Variants in PCDHGA3 observed in about 807,000 individuals in gnomAD.
The protein encoded by PCDHGA3 is protocadherin gamma subfamily A, 3.
In PCDHGA3, 40 loss-of-function variants were observed where a neutral mutation model predicts 58.5. That is an observed-to-expected ratio of 0.68 (90% CI 0.53 to 0.89). The LOEUF is 0.89. PCDHGA3 is among the 40% of genes least tolerant of loss of function. The probability of loss-of-function intolerance (pLI) is 0.00; values close to 1 mark genes in which losing one functional copy is unlikely to be tolerated. For synonymous variants in PCDHGA3, 530 were observed against 525.7 expected (o/e 1.01, Z -0.11); for missense variants, 1,223 against 1,195.9 (o/e 1.02, Z -0.33).
At chr5:141,413,117 C>T (rs902301902) in intron 1 of PCDHGA3, 42 of 1,509,002 alleles carry the variant, frequency 2.8e-5, no homozygotes, top group Non-Finnish European at 3.6e-5. Flanking sequence ...ACAAAGGAAC[C>T]GGTTGAAACA....
In PCDHGA3 at chr5:141,389,513, C is replaced by A. The variant is rs749432491; in HGVS notation, c.2424+43056C>A. 2.5e-6 allele frequency: 4 copies of A among 1,613,038 alleles called. No homozygotes were observed. The Admixed American group carries it at 5.0e-5, about 20-fold the overall frequency. On this transcript the variant is annotated intron_variant, in intron 1 of 3. Coordinates refer to ENST00000253812, the MANE Select transcript of PCDHGA3 (RefSeq NM_018916.4). ...AGGGCTCGCCAGCGCTCAGCGCGAACGTGAGCCTGCGCGTGTTAGTGGACG... is the reference window on the plus strand; with the variant it reads ...AGGGCTCGCCAGCGCTCAGCGCGAAAGTGAGCCTGCGCGTGTTAGTGGACG...
At chr5:141,381,990 C>T (rs1182122495) in intron 1 of PCDHGA3, among the ~76,000 whole-genome samples, 1 of 151,686 alleles carries the variant, frequency 6.6e-6, no homozygotes, top group Middle Eastern at 3.4e-3. Flanking sequence ...CCACCACGCC[C>T]GGATAATTTT....
At chr5:141,452,472 A>C (rs995927368) in intron 1 of PCDHGA3, among the ~76,000 whole-genome samples, 6 of 152,170 alleles carry the variant, frequency 3.9e-5, no homozygotes, top group Non-Finnish European at 8.8e-5. Flanking sequence ...AGCTAGGAAA[A>C]ACACACATAA....
intron 2 of PCDHGA3, among the ~76,000 whole-genome samples, chr5:141,503,596 C>T (rs1267014587): frequency 7.7e-6 from 1 of 129,694 alleles, no homozygotes; most frequent in African/African-American, 3.3e-5. Context: ...GAGACTCCAG[C>T]TCAAAAAAAA....
At chr5:141,433,004 T>G (rs368646186) in intron 1 of PCDHGA3, 48 of 1,614,028 alleles carry the variant, frequency 3.0e-5, no homozygotes, top group Non-Finnish European at 3.4e-5. Context: ...GGTGCAGGCT[T>G]TCCTGCAGAC....
intron 1 of PCDHGA3, chr5:141,404,341 A>C (rs2094516146): frequency 3.1e-6 from 5 of 1,613,966 alleles, no homozygotes; most frequent in Non-Finnish European, 4.2e-6. Context: ...ACCTCCCGGA[A>C]AACAACGCCA....
intron 1 of PCDHGA3, among the ~76,000 whole-genome samples, chr5:141,436,162 G>A (rs1036923915): frequency 2.6e-5 from 4 of 152,142 alleles, no homozygotes; most frequent in African/African-American, 7.2e-5. Flanking sequence ...TTTATCATAT[G>A]GACAGTTCTC....
Position 141,432,292 on chromosome 5 carries a change from T to C in PCDHGA3, c.2425-62515T>C, listed in dbSNP as rs1339412798. 2 of 1,614,078 alleles carry C rather than the reference T, an allele frequency of 1.2e-6. No individual in the cohort carries two copies. The highest frequency in any genetic ancestry group is 2.2e-5 in the East Asian group (1 of 44,888). On this transcript the variant is annotated intron_variant, in intron 1 of 3. Coordinates refer to ENST00000253812, the MANE Select transcript of PCDHGA3 (RefSeq NM_018916.4). The surrounding 1 kb of genome is among the most constrained non-coding windows in gnomAD (Gnocchi z 6.0). ...CCTACGTGTCCATCAACTCCGACAC[T>C]GGGGTACTGTATGCGCTGAGCTCCT...
chr5:141,505,362 G>A (rs766427680), intron 2 of PCDHGA3, 31 bp from the exon 3 acceptor site: 1 of 1,613,966 alleles, frequency 6.2e-7, no homozygotes, highest in Non-Finnish European at 8.5e-7. Flanking sequence ...CGGCCTGGGA[G>A]TCTGTGCTCA....
At chr5:141,361,137 A>G (rs1215399684) in intron 1 of PCDHGA3, 2 of 1,613,630 alleles carry the variant, frequency 1.2e-6, no homozygotes, top group South Asian at 2.2e-5. Flanking sequence ...GCAGTATCCA[A>G]GTTGAAATTC....
chr5:141,383,466 T>G (rs1469908164), intron 1 of PCDHGA3: 1 of 1,613,798 alleles, frequency 6.2e-7, no homozygotes, highest in South Asian at 1.1e-5. Context: ...ACGATGAAAC[T>G]AAGTACCCGG....
intron 1 of PCDHGA3, chr5:141,405,646 T>G: frequency 1.9e-6 from 1 of 526,208 alleles, no homozygotes; most frequent in East Asian, 3.2e-5. Flanking sequence ...GGCTAATTTT[T>G]TGTGTGTTTT....
At chr5:141,507,443 G>A (rs2099860678) in intron 3 of PCDHGA3, among the ~76,000 whole-genome samples, 2 of 152,200 alleles carry the variant, frequency 1.3e-5, no homozygotes. Flanking sequence ...TACAGCTGAC[G>A]GAAGGACAGA....
chr5:141,365,891 G>C, intron 1 of PCDHGA3: 1 of 1,614,136 alleles, frequency 6.2e-7, no homozygotes, highest in Non-Finnish European at 8.5e-7. Flanking sequence ...GAGATCCTTC[G>C]ACTATGAGCA....
At chr5:141,386,116 T>G (rs376387323) in intron 1 of PCDHGA3, 1 of 152,146 alleles carries the variant, frequency 6.6e-6, no homozygotes, top group Admixed American at 6.6e-5. Context: ...GCTATCAAAG[T>G]GGGAGATTGG....
chr5:141,370,840 G>T (rs762166631), intron 1 of PCDHGA3: 1 of 1,614,022 alleles, frequency 6.2e-7, no homozygotes, highest in South Asian at 1.1e-5. Flanking sequence ...GCTCTCACTG[G>T]AGCCACATTT....
chr5:141,415,482 G>C, intron 1 of PCDHGA3: 1 of 1,614,218 alleles, frequency 6.2e-7, no homozygotes, highest in Non-Finnish European at 8.5e-7. Context: ...ACTCGCGAAA[G>C]AGTCACCTGA....
At chr5:141,506,444 CAAAAAAAA>C (rs1219684339) in intron 3 of PCDHGA3, among the ~76,000 whole-genome samples, 24 of 95,024 alleles carry the variant, frequency 2.5e-4, no homozygotes, top group African/African-American at 9.5e-4. Flanking sequence ...CGCTCTGTCT[CAAAAAAAA>C]AAAAAAAAAA....
chr5:141,496,795 T>C (rs886559302), intron 2 of PCDHGA3, among the ~76,000 whole-genome samples: 27 of 151,976 alleles, frequency 1.8e-4, no homozygotes, highest in Middle Eastern at 3.4e-3. Flanking sequence ...GTGCTAAACA[T>C]TGGGCTATAG....
Sources: allele counts gnomAD v4.1 joint callset (sites outside exome capture counted in the v4.1 genomes callset), GRCh38; gene constraint gnomAD v4.1.1; non-coding constraint Gnocchi (gnomAD v3.1); transcripts MANE v1.5; gene names NCBI Gene and HGNC (gene_info 2026-07-23, HGNC 2026-07-21).